The following TBR1 variants were observed in gnomAD, a reference collection of about 807,000 sequenced individuals.
TBR1 encodes the protein T-box brain protein 1.
TBR1 carries 7 observed loss-of-function variants against 60.3 expected under a neutral mutation model. The ratio of observed to expected loss-of-function variants is 0.12; its 90% CI spans 0.07 to 0.22. The LOEUF is 0.22. TBR1 is among the 10% of genes least tolerant of loss of function. TBR1 has a pLI of 1.00. For missense variants in TBR1, 616 were observed against 936.8 expected (o/e 0.66, Z 4.47); for synonymous variants, 417 against 409.9 (o/e 1.02, Z -0.21).
In TBR1 at chr2:161,424,113, G is replaced by C; in HGVS notation, c.1935G>C (p.Thr645=). The change falls in exon 6 of 6, where the codon ACG becomes ACC. Residue 645 remains threonine (T), a synonymous_variant. Coordinates refer to ENST00000389554, the MANE Select transcript of TBR1 (RefSeq NM_006593.4). This position sits in a 1 kb window ranked among gnomAD's most constrained non-coding sequence, Gnocchi z 4.4. ...AKRRRISPAD[T]PVSESSSPLK... ...GGAGGCGGATCTCGCCGGCCGACAC[G>C]CCCGTGTCCGAGAGTTCGTCCCCGC... 1 of 1,612,366 alleles carries C rather than the reference G, an allele frequency of 6.2e-7. No homozygotes were observed. Among genetic ancestry groups the C allele is most frequent in the South Asian group, 1.1e-5 (1 of 90,650 alleles).
In TBR1 at chr2:161,421,000, C is replaced by T. The variant is rs1574151270; in HGVS notation, c.1190+743C>T. The stretch of plus-strand genomic sequence containing the variant: ...TCTTTAGGCCTCCCTTACCTCCCTC[C>T]TTTCTATCAAAAGGCTGTTCTCTGG... On this transcript the variant is annotated intron_variant, in intron 5 of 5. Coordinates refer to ENST00000389554, the MANE Select transcript of TBR1 (RefSeq NM_006593.4). 2.0e-5 allele frequency: 3 copies of T among 152,360 alleles called. No homozygotes were observed. In the Middle Eastern group the frequency reaches 0.01, roughly 518 times the overall value. The allele number at this position is 152,360 out of a possible 1,614,324, so 9.4% of individuals were successfully genotyped here. A position where few individuals can be genotyped will look rare whatever the true frequency, so the allele number is the denominator to read the frequency against.
rs778312516 is a variant in TBR1 at position 161,416,872 on chromosome 2, C to G, written c.462C>G (p.Asn154Lys). The change falls in exon 1 of 6, where the codon AAC (asparagine) becomes AAG (lysine). Residue 154 changes from asparagine (N) to lysine (K), a missense_variant. This residue lies in a region of TBR1 where 211 missense variants were observed against 268.7 expected (regional missense o/e 0.79). Coordinates refer to ENST00000389554, the MANE Select transcript of TBR1 (RefSeq NM_006593.4). The surrounding 1 kb of genome is among the most constrained non-coding windows in gnomAD (Gnocchi z 6.1). The part of the protein sequence containing the change: ...RYMAHHPVIT[N>K]GAYNSLLSNS... ...TGGCCCACCACCCGGTCATCACCAA[C>G]GGAGCCTACAACAGCCTCCTGTCCA... 6.2e-7 allele frequency: 1 copy of G among 1,613,886 alleles called. No individual in the cohort carries two copies. Among genetic ancestry groups the G allele is most frequent in the Non-Finnish European group, 8.5e-7 (1 of 1,179,984 alleles).
At chr2:161,420,137 C>A in intron 4 of TBR1, 59 bp from the exon 5 acceptor site, 1 of 1,462,200 alleles carries the variant, frequency 6.8e-7, no homozygotes, top group South Asian at 1.2e-5. Context: ...GATATATTCT[C>A]AAACACCCAG....
At position 161,423,965 on chromosome 2, in the gene TBR1, T is replaced by C. The variant is rs1684279138; in HGVS notation, c.1787T>C (p.Leu596Pro). The change falls in exon 6 of 6, where the codon CTG becomes CCG. Residue 596 changes from leucine (L) to proline (P), a missense_variant. Leu to Pro is a moderately conservative substitution (Grantham distance 98, BLOSUM62 -3). Coordinates refer to ENST00000389554, the MANE Select transcript of TBR1 (RefSeq NM_006593.4). ...AEGLAAERSP[L>P]PPGAAEDAKP... Reference sequence around the variant, plus strand: ...GGCCTGGCCGCCGAGCGCTCGCCGCTGCCGCCCGGCGCCGCCGAGGACGCC... The same window carrying C: ...GGCCTGGCCGCCGAGCGCTCGCCGCCGCCGCCCGGCGCCGCCGAGGACGCC... The C allele has an allele frequency of 1.9e-6, 3 of 1,548,468 alleles. No homozygotes were observed. Among genetic ancestry groups the C allele is most frequent in the Non-Finnish European group, 2.6e-6 (3 of 1,145,940 alleles).
In TBR1 at chr2:161,417,860, G is replaced by T; in HGVS notation, c.847+30G>T. 3.1e-6 allele frequency: 5 copies of T among 1,610,680 alleles called. No homozygotes were observed. The highest frequency in any genetic ancestry group is 1.1e-5 in the South Asian group (1 of 90,572). On this transcript the variant is annotated intron_variant, in intron 2 of 5. Transcript: ENST00000389554. The surrounding 1 kb of genome is among the most constrained non-coding windows in gnomAD (Gnocchi z 5.3). ...GTCCTTCCAATTAACACATTTTCTT[G>T]ACACTTATTTAGGTGAGAATGATTA...
intron 4 of TBR1, chr2:161,419,286 T>C: frequency 1.9e-6 from 1 of 516,720 alleles, no homozygotes; most frequent in Non-Finnish European, 3.3e-6. Flanking sequence ...CCGGGCCACC[T>C]TTGAGGTGGC....
rs1413114353 is a variant in TBR1, at chr2:161,416,972, C to T, written c.562C>T (p.Pro188Ser). The T allele has an allele frequency of 6.2e-7, 1 of 1,614,210 alleles. No individual in the cohort carries two copies. The highest frequency in any genetic ancestry group is 1.1e-5 in the South Asian group (1 of 91,090). Reference protein sequence around the residue: ...QQYGHSYQGAPFYQFSSTQPG... With the variant: ...QQYGHSYQGASFYQFSSTQPG... ...GTACGGCCACTCCTACCAAGGAGCTCCGTTCTACCAGTTCTCCTCCACCCA... is the reference window on the plus strand; with the variant it reads ...GTACGGCCACTCCTACCAAGGAGCTTCGTTCTACCAGTTCTCCTCCACCCA... Residue 188 changes from proline (P) to serine (S), a missense_variant, in exon 1 of 6, where the codon CCG becomes TCG. Coordinates refer to ENST00000389554, the MANE Select transcript of TBR1 (RefSeq NM_006593.4). This position sits in a 1 kb window ranked among gnomAD's most constrained non-coding sequence, Gnocchi z 6.1.
chr2:161,424,110 C>T lies in TBR1; in HGVS notation c.1932C>T (p.Asp644=), dbSNP rs201381014. 5 of 1,612,302 alleles carry T rather than the reference C, an allele frequency of 3.1e-6. No homozygotes were observed. The South Asian group carries it at 5.5e-5, about 18-fold the overall frequency. The change falls in exon 6 of 6, where the codon GAC becomes GAT. Residue 644 remains aspartate, a synonymous_variant. Transcript: ENST00000389554. The surrounding 1 kb of genome is among the most constrained non-coding windows in gnomAD (Gnocchi z 4.4). ...QAKRRRISPA[D]TPVSESSSPL... ...AGCGGAGGCGGATCTCGCCGGCCGA[C>T]ACGCCCGTGTCCGAGAGTTCGTCCC...
rs1684179266 is a variant in TBR1 at position 161,418,854 on chromosome 2, C to T, written c.970-38C>T. The T allele has an allele frequency of 4.4e-6, 7 of 1,595,364 alleles. No homozygotes were observed. The East Asian group carries it at 6.9e-5, about 16-fold the overall frequency. On this transcript the variant is annotated intron_variant, in intron 3 of 5. Transcript: ENST00000389554. ...GCCACGCGCACAGCGACCGCGTTAA[C>T]ACGCCACCCGGCGCTCCCCTTTCTT...
chr2:161,417,310 G>C lies in TBR1; in HGVS notation c.692+208G>C. 1.6e-6 allele frequency: 1 copy of C among 611,120 alleles called. No homozygotes were observed. Among genetic ancestry groups the C allele is most frequent in the Non-Finnish European group, 2.8e-6 (1 of 358,152 alleles). 37.9% of individuals were successfully genotyped at this position (611,120 alleles called of 1,614,324 possible). ...GGACCCCGTTCTAGGAACATAGTGG[G>C]AGAGCCAGTCAGTGGCCAGAGGAAG... On this transcript the variant is annotated intron_variant, in intron 1 of 5. Coordinates refer to ENST00000389554, the MANE Select transcript of TBR1 (RefSeq NM_006593.4). This position sits in a 1 kb window ranked among gnomAD's most constrained non-coding sequence, Gnocchi z 5.3.
chr2:161,417,556 C>T lies in TBR1; in HGVS notation c.693-120C>T. ...CTTTTTCTAATCCAGCAAATATTCG[C>T]CTATTTGCTGCAAGTACAAGTTTTG... On this transcript the variant is annotated intron_variant, in intron 1 of 5. Transcript: ENST00000389554. The surrounding 1 kb of genome is among the most constrained non-coding windows in gnomAD (Gnocchi z 5.3). 8.0e-7 allele frequency: 1 copy of T among 1,245,606 alleles called. No individual in the cohort carries two copies. The highest frequency in any genetic ancestry group is 1.5e-5 in the South Asian group (1 of 66,148). 77.2% of individuals were successfully genotyped at this position (1,245,606 alleles called of 1,614,324 possible).
chr2:161,420,098 G>C, intron 4 of TBR1, 98 bp from the exon 5 acceptor site: 1 of 868,660 alleles, frequency 1.2e-6, no homozygotes, highest in Non-Finnish European at 1.7e-6. Context: ...ATAAATTGTA[G>C]GCCTTAAGCC....
chr2:161,420,162 A>G lies in TBR1; in HGVS notation c.1129-34A>G, dbSNP rs549284676. ...CAAACACCCAGTCTTCACGTATAAA[A>G]GGTGAGATAACATTCATTTTTTTTC... On this transcript the variant is annotated intron_variant, in intron 4 of 5. Coordinates refer to ENST00000389554, the MANE Select transcript of TBR1 (RefSeq NM_006593.4). 3.2e-6 allele frequency: 5 copies of G among 1,582,786 alleles called. No individual in the cohort carries two copies. In the East Asian group the frequency reaches 9.0e-5, roughly 29 times the overall value.
Position 161,423,627 on chromosome 2 carries a change from C to T in TBR1, c.1449C>T (p.Arg483=). The part of the protein sequence containing the change: ...AEDPGAPSPQ[R]WFVTPANNRL... ...ACCCGGGCGCGCCCTCGCCGCAACGCTGGTTTGTGACGCCGGCCAACAACC... is the reference window on the plus strand; with the variant it reads ...ACCCGGGCGCGCCCTCGCCGCAACGTTGGTTTGTGACGCCGGCCAACAACC... Residue 483 remains arginine, a synonymous_variant, in exon 6 of 6, where the codon CGC becomes CGT. Coordinates refer to ENST00000389554, the MANE Select transcript of TBR1 (RefSeq NM_006593.4). 2 of 1,538,298 alleles carry T rather than the reference C, an allele frequency of 1.3e-6. No individual in the cohort carries two copies. Among genetic ancestry groups the T allele is most frequent in the South Asian group, 1.2e-5 (1 of 83,016 alleles).
chr2:161,423,508 C>A lies in TBR1; in HGVS notation c.1330C>A (p.Arg444Ser). The change falls in exon 6 of 6, where the codon CGC becomes AGC. Residue 444 changes from arginine to serine, a missense_variant. Transcript: ENST00000389554. ...DQFVSNYAKARFHPGAGAGPG... is the reference protein window; with the variant it reads ...DQFVSNYAKASFHPGAGAGPG... ...GTTCGTGAGCAACTACGCCAAGGCC[C>A]GCTTCCACCCGGGCGCGGGCGCGGG... The A allele has an allele frequency of 1.3e-6, 2 of 1,590,468 alleles. No homozygotes were observed. Among genetic ancestry groups the A allele is most frequent in the Non-Finnish European group, 8.5e-7 (1 of 1,170,422 alleles).
chr2:161,423,355 T>C lies in TBR1; in HGVS notation c.1191-14T>C. Reference sequence around the variant, plus strand: ...CACCCCTCGGCTCTCTCTCTCTCTCTCCCTACCCCGCAGGATCTACACCGG... The same window carrying C: ...CACCCCTCGGCTCTCTCTCTCTCTCCCCCTACCCCGCAGGATCTACACCGG... On this transcript the variant is annotated splice_polypyrimidine_tract_variant and intron_variant, in intron 5 of 5. Transcript: ENST00000389554. 2 of 1,006,802 alleles carry C rather than the reference T, an allele frequency of 2.0e-6. No homozygotes were observed. Among genetic ancestry groups the C allele is most frequent in the South Asian group, 3.9e-5 (2 of 51,492 alleles). The allele number at this position is 1,006,802 out of a possible 1,614,324, so 62.4% of individuals were successfully genotyped here. A position where few individuals can be genotyped will look rare whatever the true frequency, so the allele number is the denominator to read the frequency against.
intron 3 of TBR1, 97 bp downstream of exon 3, chr2:161,418,419 C>A: frequency 6.9e-7 from 1 of 1,445,598 alleles, no homozygotes; most frequent in African/African-American, 1.4e-5. Context: ...ACTGGATACA[C>A]GTTTCTTTGC....
chr2:161,421,931 T>A (rs1039219351), intron 5 of TBR1: 1 of 87,192 alleles, frequency 1.1e-5, no homozygotes, highest in Non-Finnish European at 2.2e-5. Context: ...AAAGCTTCTT[T>A]ATCTATACAC....
chr2:161,420,973 T>A (rs1275305883), intron 5 of TBR1: 1 of 152,294 alleles, frequency 6.6e-6, no homozygotes, highest in Non-Finnish European at 1.5e-5. Flanking sequence ...CTGGTGCCCT[T>A]TTCTTTAGGC....
Sources: allele counts gnomAD v4.1 joint callset, GRCh38; gene constraint gnomAD v4.1.1; regional missense constraint gnomAD v4.1.1; non-coding constraint Gnocchi (gnomAD v3.1); transcripts MANE v1.5; gene names NCBI Gene and HGNC (gene_info 2026-07-23, HGNC 2026-07-21).